Variants in ATXN1 observed in about 807,000 individuals in gnomAD.
ATXN1 encodes the protein ataxin-1.
ATXN1 carries 8 observed loss-of-function variants against 56.4 expected under a neutral mutation model. The ratio of observed to expected loss-of-function variants is 0.14; its 90% CI spans 0.08 to 0.26. The LOEUF is 0.26. Ranked by LOEUF, ATXN1 falls within the 10% of genes least tolerant of loss-of-function variation. The pLI is 1.00. For missense variants in ATXN1, 987 were observed against 1,106.5 expected, an observed-to-expected ratio of 0.89 and a Z score of 1.53; for synonymous variants, 514 against 494.6, an observed-to-expected ratio of 1.04 and a Z score of -0.52.
chr6:16,759,530 G>GTC (rs1760994398), intron 1 of ATXN1, among the ~76,000 whole-genome samples: 1 of 45,926 alleles, frequency 2.2e-5, no homozygotes, highest in African/African-American at 8.6e-5. Flanking sequence ...TCTTCCGACT[G>GTC]TTTTTTTTTT....
At chr6:16,616,162 C>T (rs1295497852) in intron 3 of ATXN1, 1 of 152,002 alleles carries the variant, frequency 6.6e-6, no homozygotes, top group Non-Finnish European at 1.5e-5. Flanking sequence ...ATACAGGAGA[C>T]AAAATTATCA....
chr6:16,433,122 T>C (rs1759319388), intron 6 of ATXN1: 1 of 152,174 alleles, frequency 6.6e-6, no homozygotes, highest in South Asian at 2.1e-4. Flanking sequence ...GAAAAGAAGG[T>C]TGAAGAAATC....
intron 6 of ATXN1, among the ~76,000 whole-genome samples, chr6:16,333,587 A>G (rs1195990729): frequency 6.6e-6 from 1 of 152,212 alleles, no homozygotes; most frequent in Non-Finnish European, 1.5e-5. Context: ...TGTGCTTCTC[A>G]GTTTGAATGA....
At chr6:16,577,044 T>C (rs1361087052) in intron 4 of ATXN1, among the ~76,000 whole-genome samples, 2 of 152,188 alleles carry the variant, frequency 1.3e-5, no homozygotes, top group Admixed American at 1.3e-4. Flanking sequence ...CGTGCTTCAC[T>C]GTCTCCGTTT....
intron 2 of ATXN1, among the ~76,000 whole-genome samples, chr6:16,749,516 A>G (rs1760645168): frequency 6.6e-6 from 1 of 152,196 alleles, no homozygotes; most frequent in African/African-American, 2.4e-5. Context: ...TCTTAAAGGA[A>G]GAGAGGTTTT....
rs1216107799 is a variant in ATXN1 at position 16,506,724 on chromosome 6, G to C, written c.-299+15903C>G. On this transcript the variant is annotated intron_variant, in intron 5 of 7. Coordinates refer to ENST00000436367, the MANE Select transcript of ATXN1 (RefSeq NM_001128164.2). The surrounding 1 kb of genome is among the most constrained non-coding windows in gnomAD (Gnocchi z 4.1). Reference sequence around the variant, plus strand: ...AGTGGAGGCTCACTGGCAAAATGTGGTCTAGTGGGCCTGATTAGGAAACAA... The same window carrying C: ...AGTGGAGGCTCACTGGCAAAATGTGCTCTAGTGGGCCTGATTAGGAAACAA... Among the ~76,000 whole-genome samples the C allele has an allele frequency of 6.6e-6, 1 of 152,186 alleles. No individual in the cohort carries two copies. Among genetic ancestry groups the C allele is most frequent in the Non-Finnish European group, 1.5e-5 (1 of 68,024 alleles).
intron 1 of ATXN1, among the ~76,000 whole-genome samples, chr6:16,755,482 G>A (rs141602179): frequency 2.6e-5 from 4 of 152,182 alleles, no homozygotes; most frequent in South Asian, 2.1e-4. Context: ...TAACAAGAAA[G>A]ACGGCCTAAA....
intron 3 of ATXN1, among the ~76,000 whole-genome samples, chr6:16,626,164 A>T (rs1763402973): frequency 6.6e-6 from 1 of 152,228 alleles, no homozygotes; most frequent in Non-Finnish European, 1.5e-5. Context: ...CATTTATGGC[A>T]CTAGAATTTT....
At chr6:16,682,849 C>G (rs540844213) in intron 2 of ATXN1, among the ~76,000 whole-genome samples, 1 of 152,346 alleles carries the variant, frequency 6.6e-6, no homozygotes, top group Non-Finnish European at 1.5e-5. Flanking sequence ...AAGACTCTTA[C>G]TCTCCAGTCT....
intron 4 of ATXN1, among the ~76,000 whole-genome samples, chr6:16,550,705 A>T (rs1761904647): frequency 6.6e-6 from 1 of 152,238 alleles, no homozygotes; most frequent in African/African-American, 2.4e-5. Context: ...CAAAATACTC[A>T]TCTCTTCGAA....
chr6:16,514,488 C>T lies in ATXN1; in HGVS notation c.-299+8139G>A, dbSNP rs59796086. Among the ~76,000 whole-genome samples, 277 of 152,222 alleles carry T rather than the reference C, an allele frequency of 1.8e-3. 1 individual carries two copies. Among genetic ancestry groups the T allele is most frequent in the African/African-American group, 6.2e-3 (259 of 41,532 alleles). On this transcript the variant is annotated intron_variant, in intron 5 of 7. Transcript: ENST00000436367. ...AACCACACATTCCGTTTTACTTTCT[C>T]GCCCACATTCAAACCATTTTATCTC...
At chr6:16,343,045 T>A (rs114349891) in intron 6 of ATXN1, among the ~76,000 whole-genome samples, 43 of 152,318 alleles carry the variant, frequency 2.8e-4, no homozygotes, top group East Asian at 9.6e-4. Context: ...CAAAAATTTT[T>A]AAAAATAAGT....
At chr6:16,402,102 C>T (rs886167526) in intron 6 of ATXN1, among the ~76,000 whole-genome samples, 1 of 152,034 alleles carries the variant, frequency 6.6e-6, no homozygotes, top group Non-Finnish European at 1.5e-5. Flanking sequence ...GACCTGCCCC[C>T]CATGATTCAA....
At position 16,327,742 on chromosome 6, in the gene ATXN1, G is replaced by C; in HGVS notation, c.569C>G (p.Thr190Arg). 1 of 1,604,340 alleles carries C rather than the reference G, an allele frequency of 6.2e-7. No individual in the cohort carries two copies. The highest frequency in any genetic ancestry group is 8.5e-7 in the Non-Finnish European group (1 of 1,178,096). Residue 190 changes from threonine (T) to arginine (R), a missense_variant, in exon 7 of 8, where the codon ACG (threonine) becomes AGG (arginine). Physicochemically the swap from Thr to Arg is moderately conservative, Grantham distance 71. Coordinates refer to ENST00000436367, the MANE Select transcript of ATXN1 (RefSeq NM_001128164.2). ...LLANMGSLSQ[T>R]PGHKAEQQQQ... ...CTGCTGCTCAGCCTTGTGTCCCGGC[G>C]TCTGGCTCAGACTGCCCATGTTGGC... is the stretch of plus-strand genomic sequence containing the variant.
At position 16,456,534 on chromosome 6, in the gene ATXN1, A is replaced by G. The variant is rs180302; in HGVS notation, c.-161+29438T>C. On this transcript the variant is annotated intron_variant, in intron 6 of 7. Transcript: ENST00000436367. ...CGGGCTAAGCCTAGGGTCGACAGAG[A>G]GGAAAGCCATTCAGCTCCGGGGTCT... 5.0e-3 allele frequency among the ~76,000 whole-genome samples: 755 copies of G among 152,288 alleles called. 11 individuals carry two copies. The highest frequency in any genetic ancestry group is 0.017 in the African/African-American group (705 of 41,560).
At chr6:16,449,909 G>C (rs1051050924) in intron 6 of ATXN1, among the ~76,000 whole-genome samples, 1 of 152,208 alleles carries the variant, frequency 6.6e-6, no homozygotes, top group Admixed American at 6.5e-5. Flanking sequence ...AAAGAAGATT[G>C]CAGCTGTCAT....
intron 4 of ATXN1, among the ~76,000 whole-genome samples, chr6:16,524,385 G>C (rs1047733642): frequency 6.6e-6 from 1 of 152,168 alleles, no homozygotes; most frequent in Non-Finnish European, 1.5e-5. Context: ...TATCTTCTTC[G>C]TTTTAAAGCA....
At chr6:16,724,915 C>A (rs1759817668) in intron 2 of ATXN1, among the ~76,000 whole-genome samples, 1 of 152,086 alleles carries the variant, frequency 6.6e-6, no homozygotes, top group African/African-American at 2.4e-5. Flanking sequence ...CCCGCCATGG[C>A]CTGAGCTCAG....
chr6:16,368,245 T>C (rs1334066339), intron 6 of ATXN1, among the ~76,000 whole-genome samples: 1 of 151,642 alleles, frequency 6.6e-6, no homozygotes, highest in Non-Finnish European at 1.5e-5. Context: ...TTTCTGAGCC[T>C]GTGCAGTGAC....
Sources: gnomAD v4.1 joint callset for allele counts (sites outside exome capture counted in the v4.1 genomes callset) on GRCh38, gnomAD v4.1.1 for gene constraint, Gnocchi (gnomAD v3.1) non-coding constraint, MANE v1.5 for transcripts, NCBI Gene and HGNC (gene_info 2026-07-23, HGNC 2026-07-21) for gene names.